The following LATS1 variants were observed in gnomAD, a reference collection of about 807,000 sequenced individuals.
The protein encoded by LATS1 is large tumor suppressor kinase 1, also known as serine/threonine-protein kinase LATS1.
In LATS1, 25 loss-of-function variants were observed where a neutral mutation model predicts 106.6. The observed-to-expected ratio is 0.23, with a 90% confidence interval of 0.17 to 0.33. LATS1 has a LOEUF of 0.33. LATS1 is among the 10% of genes least tolerant of loss of function. The probability of loss-of-function intolerance (pLI) is 1.00; values close to 1 mark genes in which losing one functional copy is unlikely to be tolerated. For missense variants in LATS1, 1,040 were observed against 1,382.6 expected, an observed-to-expected ratio of 0.75 and a Z score of 3.93; for synonymous variants, 465 against 455.6, an observed-to-expected ratio of 1.02 and a Z score of -0.26.
rs1251653380 is a variant in LATS1 at position 149,660,861 on chromosome 6, A to G, written c.*868T>C. On this transcript the variant is annotated 3_prime_UTR_variant, in exon 8 of 8. Coordinates refer to ENST00000543571, the MANE Select transcript of LATS1 (RefSeq NM_004690.4). ...ACAGGTAACATTGATGATATAATCA[A>G]AATAGTTACTATACAGGAAAAGTAT... 1 of 211,642 alleles carries G rather than the reference A, an allele frequency of 4.7e-6. No homozygotes were observed. The highest frequency in any genetic ancestry group is 2.3e-5 in the African/African-American group (1 of 44,154). 13.1% of individuals were successfully genotyped at this position (211,642 alleles called of 1,614,324 possible). A position where few individuals can be genotyped will look rare whatever the true frequency, so the allele number is the denominator to read the frequency against.
intron 3 of LATS1, among the ~76,000 whole-genome samples, chr6:149,684,911 A>C (rs1782277953): frequency 6.6e-6 from 1 of 152,118 alleles, no homozygotes; most frequent in Non-Finnish European, 1.5e-5. Flanking sequence ...ATAAAATTTC[A>C]CTAAGTGGTT....
Position 149,702,011 on chromosome 6 carries a change from C to T in LATS1, c.116G>A (p.Arg39Lys), listed in dbSNP as rs368807474. The T allele has an allele frequency of 5.0e-6, 8 of 1,614,106 alleles. No individual in the cohort carries two copies. Among genetic ancestry groups the T allele is most frequent in the Non-Finnish European group, 5.9e-6 (7 of 1,180,002 alleles). Residue 39 changes from arginine to lysine, a missense_variant, in exon 2 of 8, where the codon AGG becomes AAG. Transcript: ENST00000543571. ...AGCATCAGATGGTTTAGATAAATTCCTAAGGGATTCCCGAATTTCTTGTAA... is the reference window on the plus strand; with the variant it reads ...AGCATCAGATGGTTTAGATAAATTCTTAAGGGATTCCCGAATTTCTTGTAA... ...QMLQEIRESLRNLSKPSDAAK... is the reference protein window; with the variant it reads ...QMLQEIRESLKNLSKPSDAAK...
chr6:149,665,961 G>C (rs1781119886), intron 7 of LATS1, among the ~76,000 whole-genome samples: 1 of 151,834 alleles, frequency 6.6e-6, no homozygotes, highest in Non-Finnish European at 1.5e-5. Flanking sequence ...GGCCAACATA[G>C]TGAAACCCCG....
intron 1 of LATS1, among the ~76,000 whole-genome samples, chr6:149,715,081 A>C (rs976984286): frequency 4.0e-5 from 6 of 151,320 alleles, no homozygotes; most frequent in African/African-American, 7.3e-5. Context: ...TTATTTCTTT[A>C]TTTATTTTTG....
In LATS1 at chr6:149,701,852, G is replaced by A; in HGVS notation, c.275C>T (p.Thr92Ile). The part of the protein sequence containing the change: ...RNSLLPFANE[T>I]NSSRSTSEVN... ...TTCTGAAGTACTCCGAGAAGAATTT[G>A]TTTCATTTGCAAATGGAAGCAGAGA... The change falls in exon 2 of 8, where the codon ACA (threonine) becomes ATA (isoleucine). Residue 92 changes from threonine (T) to isoleucine (I), a missense_variant. This residue lies in a region of LATS1 where 624 missense variants were observed against 714.8 expected (regional missense o/e 0.87). Coordinates refer to ENST00000543571, the MANE Select transcript of LATS1 (RefSeq NM_004690.4). 1 of 1,614,158 alleles carries A rather than the reference G, an allele frequency of 6.2e-7. No homozygotes were observed. The highest frequency in any genetic ancestry group is 8.5e-7 in the Non-Finnish European group (1 of 1,180,010).
At chr6:149,666,832 C>T (rs1448950122) in intron 7 of LATS1, among the ~76,000 whole-genome samples, 3 of 150,846 alleles carry the variant, frequency 2.0e-5, no homozygotes, top group South Asian at 2.1e-4. Context: ...GTCCCACCTA[C>T]TCCCGGGAGG....
At position 149,702,141 on chromosome 6, in the gene LATS1, A is replaced by AT; in HGVS notation, c.-16dup. 1 of 1,526,098 alleles carries AT rather than the reference A, an allele frequency of 6.6e-7. No homozygotes were observed. The highest frequency in any genetic ancestry group is 8.9e-7 in the Non-Finnish European group (1 of 1,117,928). 94.5% of individuals were successfully genotyped at this position (1,526,098 alleles called of 1,614,324 possible). ...CTCCTCTTCATGAAAACATCTATAT[A>AT]TGTAGCCCACACGAAGGACTTCTTT... On this transcript the variant is annotated 5_prime_UTR_variant, in exon 2 of 8. Transcript: ENST00000543571.
intron 3 of LATS1, among the ~76,000 whole-genome samples, chr6:149,685,260 T>G (rs148169754): frequency 1.9e-3 from 294 of 152,162 alleles, no homozygotes; most frequent in African/African-American, 6.9e-3. Flanking sequence ...TATATATTTT[T>G]GAAGAGATAT....
At position 149,695,086 on chromosome 6, in the gene LATS1, T is replaced by C; in HGVS notation, c.484A>G (p.Ser162Gly). Residue 162 changes from serine to glycine, a missense_variant, in exon 3 of 8, where the codon AGC becomes GGC. By Grantham distance (56) the Ser-to-Gly change is moderately conservative (BLOSUM62 0). Coordinates refer to ENST00000543571, the MANE Select transcript of LATS1 (RefSeq NM_004690.4). ...TTTGATTAATCACCTGGTTTCATGC[T>C]GGCATTAATAGGTCTGGCAGCTGCT... ...AAAAARPINASMKPGNVQQSV... is the reference protein window; with the variant it reads ...AAAAARPINAGMKPGNVQQSV... The C allele has an allele frequency of 1.3e-6, 2 of 1,593,392 alleles. No individual in the cohort carries two copies. The highest frequency in any genetic ancestry group is 2.3e-5 in the East Asian group (1 of 44,384).
rs1431439182 is a variant in LATS1, at chr6:149,683,081, G to A, written c.2008C>T (p.Arg670Trp). ...ATGGACATTTTAAAAGGTTTTACCC[G>A]CATCATTTCATTCTCTAATTGTTTT... Reference protein sequence around the residue: ...RKKQLENEMMRVGLSQDAQDQ... With the variant: ...RKKQLENEMMWVGLSQDAQDQ... Residue 670 changes from arginine to tryptophan, a missense_variant and splice_region_variant, in exon 4 of 8, where the codon CGG becomes TGG. Transcript: ENST00000543571. 2 of 1,607,670 alleles carry A rather than the reference G, an allele frequency of 1.2e-6. No homozygotes were observed. Among genetic ancestry groups the A allele is most frequent in the Non-Finnish European group, 1.7e-6 (2 of 1,176,592 alleles).
intron 7 of LATS1, among the ~76,000 whole-genome samples, chr6:149,662,870 G>A (rs1040362649): frequency 6.0e-5 from 9 of 150,756 alleles, no homozygotes; most frequent in Admixed American, 5.3e-4. Flanking sequence ...GGAGGTTGAA[G>A]CAGAAGGATT....
At chr6:149,673,834 A>T (rs1781568137) in intron 7 of LATS1, among the ~76,000 whole-genome samples, 1 of 151,230 alleles carries the variant, frequency 6.6e-6, no homozygotes, top group Admixed American at 6.6e-5. Flanking sequence ...GCCACCATGC[A>T]CGGCTAATTT....
chr6:149,704,749 A>G (rs1783655216), intron 1 of LATS1, among the ~76,000 whole-genome samples: 1 of 152,102 alleles, frequency 6.6e-6, no homozygotes, highest in Non-Finnish European at 1.5e-5. Context: ...TCAGCCTCCC[A>G]AAGTGGTGGG....
intron 2 of LATS1, 104 bp downstream of exon 2, chr6:149,701,675 G>A: frequency 1.3e-6 from 1 of 742,804 alleles, no homozygotes; most frequent in Non-Finnish European, 2.2e-6. Context: ...GTGTATACAG[G>A]GTTAAATTCT....
chr6:149,687,027 T>G (rs1255280497), intron 3 of LATS1, among the ~76,000 whole-genome samples: 2 of 152,204 alleles, frequency 1.3e-5, no homozygotes, highest in African/African-American at 4.8e-5. Flanking sequence ...ACTTCTTCTG[T>G]TTACTCCTAC....
At chr6:149,663,830 AAC>A (rs1303217973) in intron 7 of LATS1, among the ~76,000 whole-genome samples, 2 of 150,684 alleles carry the variant, frequency 1.3e-5, no homozygotes, top group Admixed American at 6.6e-5. Context: ...TTTTTTTTGA[AAC>A]AGTCTTGCTC....
chr6:149,703,894 A>G (rs1783602587), intron 1 of LATS1, among the ~76,000 whole-genome samples: 1 of 152,240 alleles, frequency 6.6e-6, no homozygotes, highest in Non-Finnish European at 1.5e-5. Context: ...TCCTCGCAAC[A>G]TCATTTATAA....
chr6:149,684,674 A>T, intron 3 of LATS1, 82 bp from the exon 4 acceptor site: 1 of 912,688 alleles, frequency 1.1e-6, no homozygotes, highest in Non-Finnish European at 1.6e-6. Context: ...TGCAATTCTG[A>T]TATTACAAAT....
rs113162358 is a variant in LATS1 at position 149,692,677 on chromosome 6, C to CTT, written c.496+2395_496+2396dup. 4.0e-3 allele frequency among the ~76,000 whole-genome samples: 566 copies of CTT among 141,874 alleles called. 3 individuals carry two copies. Among genetic ancestry groups the CTT allele is most frequent in the African/African-American group, 0.014 (539 of 38,956 alleles). The allele number at this position is 141,874 out of a possible 152,430, so 93.1% of individuals were successfully genotyped here. ...AAATCAATTCTTTTTCTTTTTCTTTCTTTTTTTTTTTTTTGAGAGGGAGTT... is the reference window on the plus strand; with the variant it reads ...AAATCAATTCTTTTTCTTTTTCTTTCTTTTTTTTTTTTTTTTGAGAGGGAGTT... On this transcript the variant is annotated intron_variant, in intron 3 of 7. Transcript: ENST00000543571.
Sources: gnomAD v4.1 joint callset for allele counts (sites outside exome capture counted in the v4.1 genomes callset) on GRCh38, gnomAD v4.1.1 for gene constraint, gnomAD v4.1.1 regional missense constraint, MANE v1.5 for transcripts, NCBI Gene and HGNC (gene_info 2026-07-23, HGNC 2026-07-21) for gene names.